The following STAB1 variants were observed in gnomAD, a reference collection of about 807,000 sequenced individuals.
The protein encoded by STAB1 is stabilin-1.
In STAB1, 250 loss-of-function variants were observed where a neutral mutation model predicts 332.4. The observed-to-expected ratio is 0.75, with a 90% CI of 0.68 to 0.84. STAB1 has a LOEUF of 0.84. Ranked by LOEUF, STAB1 falls within the 40% of genes least tolerant of loss-of-function variation. STAB1 has a pLI of 0.00. For synonymous variants in STAB1, 1,475 were observed against 1,390.4 expected, an observed-to-expected ratio of 1.06 and a Z score of -1.35; for missense variants, 3,249 against 3,489.7, an observed-to-expected ratio of 0.93 and a Z score of 1.74.
intron 1 of STAB1, among the ~76,000 whole-genome samples, chr3:52,500,595 G>A (rs556645747): frequency 5.9e-5 from 9 of 152,368 alleles, no homozygotes; most frequent in Admixed American, 3.9e-4. Flanking sequence ...CCAGCCCCAC[G>A]GTGCATGGCT....
rs1708725135 is a variant in STAB1 at position 52,504,798 on chromosome 3, G to A, written c.1299G>A (p.Glu433=). ...QHIIAGQHIL[E]DTRTQQTRRW... The stretch of plus-strand genomic sequence containing the variant: ...TCATCGCAGGGCAGCACATCCTGGA[G>A]GACACAAGGACCCAACAAACACGAA... The change falls in exon 12 of 69, where the codon GAG becomes GAA. Residue 433 remains glutamate, a synonymous_variant. Transcript: ENST00000321725. 2 of 1,613,794 alleles carry A rather than the reference G, an allele frequency of 1.2e-6. 1 individual carries two copies. The highest frequency in any genetic ancestry group is 2.2e-5 in the South Asian group (2 of 91,090).
At chr3:52,501,820 C>A in intron 3 of STAB1, 67 bp downstream of exon 3, 3 of 1,455,180 alleles carry the variant, frequency 2.1e-6, no homozygotes, top group Non-Finnish European at 2.8e-6. Context: ...AAGCCCTCTG[C>A]AGGAGCCACC....
At chr3:52,524,247 G>A (rs1042952328) in intron 68 of STAB1, 34 bp downstream of exon 68, 1 of 1,613,998 alleles carries the variant, frequency 6.2e-7, no homozygotes, top group Non-Finnish European at 8.5e-7. Flanking sequence ...TGGCAGATGT[G>A]GGATGGGCCC....
intron 37 of STAB1, among the ~76,000 whole-genome samples, 189 bp from the exon 38 acceptor site, chr3:52,515,854 C>A (rs955706702): frequency 1.3e-5 from 2 of 152,186 alleles, no homozygotes; most frequent in African/African-American, 4.8e-5. Flanking sequence ...TCAGTTTCCC[C>A]ACCCTGCCAG....
At position 52,521,622 on chromosome 3, in the gene STAB1, T is replaced by A; in HGVS notation, c.6085T>A (p.Cys2029Ser). 1.2e-6 allele frequency: 2 copies of A among 1,613,088 alleles called. No homozygotes were observed. The highest frequency in any genetic ancestry group is 2.2e-5 in the South Asian group (2 of 91,020). The change falls in exon 57 of 69, where the codon TGT becomes AGT. Residue 2029 changes from cysteine (C) to serine (S), a missense_variant. Coordinates refer to ENST00000321725, the MANE Select transcript of STAB1 (RefSeq NM_015136.3). Reference sequence around the variant, plus strand: ...CTGCCGCTGCACTGTGCATGGCCGCTGTGATGAGGGCCTTGGGGGCTCTGG... The same window carrying A: ...CTGCCGCTGCACTGTGCATGGCCGCAGTGATGAGGGCCTTGGGGGCTCTGG... ...QACRCTVHGR[C>S]DEGLGGSGSC...
chr3:52,519,559 C>T lies in STAB1; in HGVS notation c.5230C>T (p.Leu1744=). The change falls in exon 50 of 69, where the codon CTG becomes TTG. Residue 1744 remains leucine, a synonymous_variant. Transcript: ENST00000321725. ...CGGTTACAAGATCTTCAGCGGCCTC[C>T]TGAAGGTACTGCTCCCGTGTGGGCC... The part of the protein sequence containing the change: ...GFGYKIFSGL[L]KVAGLLPLLR... 6.2e-7 allele frequency: 1 copy of T among 1,613,302 alleles called. No homozygotes were observed. The highest frequency in any genetic ancestry group is 8.5e-7 in the Non-Finnish European group (1 of 1,180,006).
In STAB1 at chr3:52,515,433, G is replaced by A; in HGVS notation, c.3875G>A (p.Arg1292Lys). The A allele has an allele frequency of 6.2e-7, 1 of 1,613,210 alleles. No individual in the cohort carries two copies. Among genetic ancestry groups the A allele is most frequent in the Non-Finnish European group, 8.5e-7 (1 of 1,180,010 alleles). ...TGTCCCCGTTTCCAGGACACACCCAGGAAGAGCTGTGTCTACCGATCTGGC... is the reference window on the plus strand; with the variant it reads ...TGTCCCCGTTTCCAGGACACACCCAAGAAGAGCTGTGTCTACCGATCTGGC... The part of the protein sequence containing the change: ...TQGFQLQDTP[R>K]KSCVYRSGFS... The change falls in exon 37 of 69, where the codon AGG becomes AAG. Residue 1292 changes from arginine (R) to lysine (K), a missense_variant. Physicochemically the swap from Arg to Lys is conservative, Grantham distance 26. Transcript: ENST00000321725.
rs1708535132 is a variant in STAB1, at chr3:52,502,615, C to G, written c.488-17C>G. The G allele has an allele frequency of 1.9e-6, 3 of 1,604,274 alleles. No homozygotes were observed. Among genetic ancestry groups the G allele is most frequent in the African/African-American group, 1.3e-5 (1 of 74,872 alleles). On this transcript the variant is annotated splice_polypyrimidine_tract_variant and intron_variant, in intron 5 of 68. Transcript: ENST00000321725. ...GGAGAGGCTGGGGCCCCATCTGTCTCTGTGTGTCCCTCCCAGTGTGCAGCT... is the reference window on the plus strand; with the variant it reads ...GGAGAGGCTGGGGCCCCATCTGTCTGTGTGTGTCCCTCCCAGTGTGCAGCT...
At chr3:52,502,262 C>T (rs756921936) in intron 5 of STAB1, 34 bp downstream of exon 5, 47 of 1,600,990 alleles carry the variant, frequency 2.9e-5, no homozygotes, top group Middle Eastern at 2.0e-4. Context: ...GCACGGCCAG[C>T]GTCCACCTGG....
At position 52,502,139 on chromosome 3, in the gene STAB1, C is replaced by T. The variant is rs148809253; in HGVS notation, c.418-20C>T. On this transcript the variant is annotated intron_variant, in intron 4 of 68. Coordinates refer to ENST00000321725, the MANE Select transcript of STAB1 (RefSeq NM_015136.3). ...TGGAGGCTCAGAGGGGCCACGCTGA[C>T]TTGGTGCATCCACCACCAGGAAAAC... 371 of 1,613,612 alleles carry T rather than the reference C, an allele frequency of 2.3e-4. No homozygotes were observed. The highest frequency in any genetic ancestry group is 3.0e-4 in the Non-Finnish European group (353 of 1,180,008).
rs1273003552 is a variant in STAB1, at chr3:52,510,503, G to A, written c.2783G>A (p.Gly928Glu). 6.2e-7 allele frequency: 1 copy of A among 1,612,756 alleles called. No individual in the cohort carries two copies. The highest frequency in any genetic ancestry group is 2.2e-5 in the East Asian group (1 of 44,888). ...GCCCTCTGCAGCTATGTGGGCCCCG[G>A]GCAGGTGAGGTGCAGCAGAGAAGGG... ...TDALCSYVGP[G>E]QSRCTCKLGF... Residue 928 changes from glycine (G) to glutamate (E), a missense_variant, in exon 25 of 69, where the codon GGG becomes GAG. Physicochemically the swap from Gly to Glu is moderately conservative, Grantham distance 98. Coordinates refer to ENST00000321725, the MANE Select transcript of STAB1 (RefSeq NM_015136.3).
chr3:52,519,000 TC>T, intron 48 of STAB1, 131 bp downstream of exon 48: 1 of 1,202,314 alleles, frequency 8.3e-7, no homozygotes, highest in Non-Finnish European at 1.1e-6. Context: ...TCCTGCTGAG[TC>T]CAGCCCGGGA....
At chr3:52,522,990 CA>C in intron 62 of STAB1, 34 bp from the exon 63 acceptor site, 2 of 1,595,842 alleles carry the variant, frequency 1.3e-6, no homozygotes, top group Admixed American at 3.4e-5. Context: ...CCCTTCCCAC[CA>C]ATCTGCTGAG....
At position 52,514,108 on chromosome 3, in the gene STAB1, TC is replaced by T; in HGVS notation, c.3448-4del. 9 of 1,613,074 alleles carry T rather than the reference TC, an allele frequency of 5.6e-6. No homozygotes were observed. Among genetic ancestry groups the T allele is most frequent in the Non-Finnish European group, 7.6e-6 (9 of 1,179,818 alleles). On this transcript the variant is annotated splice_region_variant and splice_polypyrimidine_tract_variant and intron_variant, in intron 32 of 68. Coordinates refer to ENST00000321725, the MANE Select transcript of STAB1 (RefSeq NM_015136.3). ...ATGCCCATCCCTGACCTCCACCCCATCCCTAGCACCATGGGTTGGTGCCCCA... is the reference window on the plus strand; with the variant it reads ...ATGCCCATCCCTGACCTCCACCCCATCCTAGCACCATGGGTTGGTGCCCCA...
chr3:52,523,485 A>C lies in STAB1; in HGVS notation c.7199A>C (p.Asn2400Thr), dbSNP rs749433356. ...TCCAACGCCACCCTCCTAAGTGCCA[A>C]CGCCAGCCAGGGGAAGTTGCTTCCG... ...HASNATLLSA[N>T]ASQGKLLPAH... The change falls in exon 65 of 69, where the codon AAC becomes ACC. Residue 2400 changes from asparagine to threonine, a missense_variant. Asn to Thr is a moderately conservative substitution (Grantham distance 65). Transcript: ENST00000321725. 6.2e-7 allele frequency: 1 copy of C among 1,612,296 alleles called. No individual in the cohort carries two copies. The highest frequency in any genetic ancestry group is 1.7e-5 in the Admixed American group (1 of 60,016).
intron 37 of STAB1, among the ~76,000 whole-genome samples, 196 bp downstream of exon 37, chr3:52,515,702 C>T (rs1035319500): frequency 6.6e-6 from 1 of 152,232 alleles, no homozygotes; most frequent in South Asian, 2.1e-4. Flanking sequence ...TGTCCACTCC[C>T]CCAGGGAGAG....
At chr3:52,512,106 A>G (rs953726458) in intron 26 of STAB1, among the ~76,000 whole-genome samples, 1 of 152,204 alleles carries the variant, frequency 6.6e-6, no homozygotes, top group Non-Finnish European at 1.5e-5. Flanking sequence ...GGGTCCTCCC[A>G]CAGCCCTGAG....
chr3:52,502,512 T>A (rs1488346867), intron 5 of STAB1, 120 bp from the exon 6 acceptor site: 1 of 923,840 alleles, frequency 1.1e-6, no homozygotes, highest in Non-Finnish European at 1.7e-6. Flanking sequence ...CACAGCTCTG[T>A]ACTCTTAAGG....
intron 6 of STAB1, 49 bp downstream of exon 6, chr3:52,502,776 G>C: frequency 6.3e-7 from 1 of 1,575,760 alleles, no homozygotes; most frequent in Non-Finnish European, 8.7e-7. Flanking sequence ...CCTGTGGCCA[G>C]AGCAAAAGAG....
Sources: gnomAD v4.1 joint callset for allele counts (sites outside exome capture counted in the v4.1 genomes callset) on GRCh38, gnomAD v4.1.1 for gene constraint, MANE v1.5 for transcripts, NCBI Gene and HGNC (gene_info 2026-07-23, HGNC 2026-07-21) for gene names.